PHLDB2: variants seen among roughly 807,000 people sequenced by gnomAD.
PHLDB2 encodes the protein pleckstrin homology like domain family B member 2, also known as pleckstrin homology-like domain family B member 2.
In PHLDB2, 71 loss-of-function variants were observed where a neutral mutation model predicts 123.6. The ratio of observed to expected loss-of-function variants is 0.57; its 90% CI spans 0.47 to 0.70. PHLDB2 has a LOEUF of 0.70. Ranked by LOEUF, PHLDB2 falls within the 30% of genes least tolerant of loss-of-function variation. The pLI, the probability that PHLDB2 is intolerant of heterozygous loss-of-function variation, is 0.00. For synonymous variants in PHLDB2, 547 were observed against 541.6 expected (o/e 1.01, Z -0.14); for missense variants, 1,446 against 1,519.5 (o/e 0.95, Z 0.80).
chr3:111,769,771 G>C (rs573389010), intron 1 of PHLDB2, among the ~76,000 whole-genome samples: 31 of 152,244 alleles, frequency 2.0e-4, no homozygotes, highest in African/African-American at 7.0e-4. Flanking sequence ...CTCGTGTTTC[G>C]TTCCATCTCT....
intron 2 of PHLDB2, among the ~76,000 whole-genome samples, chr3:111,890,462 C>A (rs1030407677): frequency 1.3e-5 from 2 of 152,210 alleles, no homozygotes; most frequent in African/African-American, 4.8e-5. Flanking sequence ...GTCACTTGCA[C>A]ATTTTATTAG....
intron 5 of PHLDB2, among the ~76,000 whole-genome samples, chr3:111,930,259 C>A (rs1418739678): frequency 4.6e-5 from 7 of 152,002 alleles, no homozygotes; most frequent in Non-Finnish European, 7.4e-5. Context: ...TTGAGAGCAT[C>A]AGGAGTACTT....
intron 1 of PHLDB2, among the ~76,000 whole-genome samples, chr3:111,754,713 A>C (rs955992494): frequency 3.2e-4 from 47 of 148,070 alleles, no homozygotes; most frequent in Non-Finnish European, 4.9e-4. Context: ...GAGAGAGGGC[A>C]TCCCTGTCTT....
At chr3:111,876,608 A>G (rs1156911644) in intron 1 of PHLDB2, among the ~76,000 whole-genome samples, 1 of 152,170 alleles carries the variant, frequency 6.6e-6, no homozygotes, top group African/African-American at 2.4e-5. Context: ...TCTGGGGTAC[A>G]TGTGCAGAAC....
intron 1 of PHLDB2, among the ~76,000 whole-genome samples, chr3:111,821,425 T>C (rs962663278): frequency 2.6e-5 from 4 of 152,164 alleles, no homozygotes; most frequent in Non-Finnish European, 5.9e-5. Context: ...TTATGGAGAC[T>C]AGCAAATTCA....
At chr3:111,828,996 C>A (rs763094677) in intron 1 of PHLDB2, among the ~76,000 whole-genome samples, 2 of 152,118 alleles carry the variant, frequency 1.3e-5, no homozygotes, top group Non-Finnish European at 2.9e-5. Flanking sequence ...GGAATATAGA[C>A]GCTTGTTAGA....
chr3:111,788,544 C>T (rs2060785788), intron 1 of PHLDB2, among the ~76,000 whole-genome samples: 1 of 152,170 alleles, frequency 6.6e-6, no homozygotes, highest in African/African-American at 2.4e-5. Flanking sequence ...GTTTACTTCT[C>T]CCATCTATCT....
intron 1 of PHLDB2, among the ~76,000 whole-genome samples, chr3:111,769,879 T>G (rs1029218125): frequency 2.0e-5 from 3 of 152,256 alleles, no homozygotes; most frequent in Non-Finnish European, 4.4e-5. Context: ...TTAAGAATGC[T>G]GCTGGGTTAA....
intron 1 of PHLDB2, among the ~76,000 whole-genome samples, chr3:111,863,924 A>C (rs755894200): frequency 6.6e-6 from 1 of 152,230 alleles, no homozygotes; most frequent in Non-Finnish European, 1.5e-5. Flanking sequence ...CATTAGGCTC[A>C]TGATTATAGA....
chr3:111,736,944 A>G (rs576854703), intron 1 of PHLDB2, among the ~76,000 whole-genome samples: 2 of 152,228 alleles, frequency 1.3e-5, no homozygotes, highest in African/African-American at 4.8e-5. Context: ...AACGGTATAC[A>G]TGAGTAGGGA....
At chr3:111,774,762 G>A (rs1576558294) in intron 1 of PHLDB2, among the ~76,000 whole-genome samples, 1 of 152,172 alleles carries the variant, frequency 6.6e-6, no homozygotes, top group African/African-American at 2.4e-5. Flanking sequence ...TTTAAACAGA[G>A]GGTTGCCAAA....
chr3:111,788,784 T>G (rs1201145155), intron 1 of PHLDB2, among the ~76,000 whole-genome samples: 3 of 152,206 alleles, frequency 2.0e-5, no homozygotes, highest in African/African-American at 7.2e-5. Context: ...ATCGTTAGTG[T>G]TAGTGTATTT....
intron 1 of PHLDB2, among the ~76,000 whole-genome samples, chr3:111,811,998 T>C (rs913623553): frequency 6.6e-6 from 1 of 152,194 alleles, no homozygotes; most frequent in African/African-American, 2.4e-5. Flanking sequence ...TGTTCCTTCA[T>C]CAACATCTGC....
intron 1 of PHLDB2, among the ~76,000 whole-genome samples, chr3:111,824,187 T>C (rs1302027634): frequency 6.6e-6 from 1 of 152,200 alleles, no homozygotes; most frequent in African/African-American, 2.4e-5. Context: ...CTTTTCTCTC[T>C]GTCTTCTCCC....
intron 2 of PHLDB2, among the ~76,000 whole-genome samples, chr3:111,902,132 TATAGAGG>T (rs1403260841): frequency 6.6e-6 from 1 of 152,166 alleles, no homozygotes; most frequent in Non-Finnish European, 1.5e-5. Context: ...AGGTCTAAAA[TATAGAGG>T]ATCCTAGATA....
intron 5 of PHLDB2, among the ~76,000 whole-genome samples, chr3:111,924,448 G>C (rs976255796): frequency 2.6e-5 from 4 of 152,216 alleles, no homozygotes; most frequent in African/African-American, 9.6e-5. Context: ...GGCTGGTCCA[G>C]GCTGGGCCTT....
intron 1 of PHLDB2, among the ~76,000 whole-genome samples, chr3:111,836,554 G>C (rs187148659): frequency 6.6e-6 from 1 of 152,114 alleles, no homozygotes; most frequent in Non-Finnish European, 1.5e-5. Context: ...AACAAGGGAA[G>C]CTTTGGCTTT....
At chr3:111,885,574 CAT>C (rs1559886225) in intron 2 of PHLDB2, 162 bp downstream of exon 2, 3 of 943,082 alleles carry the variant, frequency 3.2e-6, no homozygotes, top group Non-Finnish European at 5.0e-6. Context: ...TTCTTCTTCC[CAT>C]ATCACTATTA....
At chr3:111,866,930 G>T (rs74745601) in intron 1 of PHLDB2, among the ~76,000 whole-genome samples, 16 of 126,066 alleles carry the variant, frequency 1.3e-4, no homozygotes, top group South Asian at 2.6e-4. Context: ...GTTTCTAAGG[G>T]GTGTGTGTGT....
Sources: gnomAD v4.1 joint callset for allele counts (sites outside exome capture counted in the v4.1 genomes callset) on GRCh38, gnomAD v4.1.1 for gene constraint, MANE v1.5 for transcripts, NCBI Gene and HGNC (gene_info 2026-07-23, HGNC 2026-07-21) for gene names.